Variants in ABHD17C observed in about 807,000 individuals in gnomAD.
ABHD17C encodes abhydrolase domain containing 17C, depalmitoylase.
ABHD17C carries 11 observed loss-of-function variants against 27.9 expected under a neutral mutation model. That is an observed-to-expected ratio of 0.39 (90% CI 0.25 to 0.65). The LOEUF is 0.65. Among genes scored for constraint, ABHD17C ranks in the 30% least tolerant of loss-of-function variants. The pLI, the probability that ABHD17C is intolerant of heterozygous loss-of-function variation, is 0.45. For synonymous variants in ABHD17C, 233 were observed against 209.1 expected, an observed-to-expected ratio of 1.11 and a Z score of -0.98; for missense variants, 280 against 470.2, an observed-to-expected ratio of 0.60 and a Z score of 3.74.
chr15:80,730,226 T>C (rs1028785810), intron 1 of ABHD17C, among the ~76,000 whole-genome samples: 1 of 152,098 alleles, frequency 6.6e-6, no homozygotes, highest in Admixed American at 6.5e-5. Context: ...TCAGAACAAC[T>C]CCACCTTGAA....
At chr15:80,753,690 A>G (rs73500883) in intron 2 of ABHD17C, among the ~76,000 whole-genome samples, 4,602 of 152,248 alleles carry the variant, frequency 0.03, 247 homozygotes, top group African/African-American at 0.11. Flanking sequence ...ACAGGCATGC[A>G]CCACCATGCC....
chr15:80,714,215 CA>C (rs1157374959), intron 1 of ABHD17C, among the ~76,000 whole-genome samples: 1 of 152,204 alleles, frequency 6.6e-6, no homozygotes, highest in Non-Finnish European at 1.5e-5. Flanking sequence ...CTTGGCCTCC[CA>C]AAGTGCTAGG....
chr15:80,725,479 T>TA (rs1894959581), intron 1 of ABHD17C, among the ~76,000 whole-genome samples: 2 of 128,652 alleles, frequency 1.6e-5, no homozygotes, highest in South Asian at 4.7e-4. Context: ...CACCTCTCAA[T>TA]ACCTGGTGTC....
Position 80,696,742 on chromosome 15 carries a change from G to A in ABHD17C, c.590+723G>A, listed in dbSNP as rs1177605977. On this transcript the variant is annotated intron_variant, in intron 1 of 2. Transcript: ENST00000258884. ...CACAGAAGGACTGAAAAGTGTTTAG[G>A]GTGGGCCATCTGTGAGCCAGGCACA... is the stretch of plus-strand genomic sequence containing the variant. Among the ~76,000 whole-genome samples the A allele has an allele frequency of 2.0e-5, 3 of 152,326 alleles. No individual in the cohort carries two copies. The East Asian group carries it at 5.8e-4, about 29-fold the overall frequency.
At chr15:80,720,565 T>A (rs1422317664) in intron 1 of ABHD17C, among the ~76,000 whole-genome samples, 1 of 152,120 alleles carries the variant, frequency 6.6e-6, no homozygotes, top group Admixed American at 6.5e-5. Flanking sequence ...TAGGATTTTT[T>A]TATATATATT....
At chr15:80,726,953 TTGTC>T (rs377027202) in intron 1 of ABHD17C, among the ~76,000 whole-genome samples, 289 of 152,358 alleles carry the variant, frequency 1.9e-3, no homozygotes, top group African/African-American at 6.7e-3. Flanking sequence ...TTTCCTCTGA[TTGTC>T]TGTTCCTTCT....
chr15:80,696,430 A>C (rs74911946), intron 1 of ABHD17C, among the ~76,000 whole-genome samples: 2,894 of 152,324 alleles, frequency 0.019, 105 homozygotes, highest in East Asian at 0.1. Context: ...ATGGGTTTCT[A>C]GACTCAGTTT....
At chr15:80,751,285 A>G (rs1450382352) in intron 2 of ABHD17C, among the ~76,000 whole-genome samples, 3 of 152,030 alleles carry the variant, frequency 2.0e-5, no homozygotes, top group Non-Finnish European at 4.4e-5. Flanking sequence ...GCTTGAACCC[A>G]GGAGGCGGAG....
At chr15:80,706,965 C>T (rs1894656816) in intron 1 of ABHD17C, among the ~76,000 whole-genome samples, 1 of 152,174 alleles carries the variant, frequency 6.6e-6, no homozygotes, top group African/African-American at 2.4e-5. Context: ...ATGCTAATCA[C>T]TTTGAAGCAT....
chr15:80,744,100 C>G (rs1431854540), intron 1 of ABHD17C, among the ~76,000 whole-genome samples: 1 of 151,898 alleles, frequency 6.6e-6, no homozygotes, highest in African/African-American at 2.4e-5. Flanking sequence ...TTCATTGTCT[C>G]TTTTTTCCCC....
At chr15:80,722,103 C>A (rs1894904863) in intron 1 of ABHD17C, among the ~76,000 whole-genome samples, 1 of 152,110 alleles carries the variant, frequency 6.6e-6, no homozygotes, top group African/African-American at 2.4e-5. Context: ...GGACAGAGTT[C>A]TCCACTCGAT....
chr15:80,753,832 T>C (rs1402696892), intron 2 of ABHD17C, among the ~76,000 whole-genome samples: 1 of 152,218 alleles, frequency 6.6e-6, no homozygotes, highest in African/African-American at 2.4e-5. Flanking sequence ...AAAGCCAAAC[T>C]GTTATGATAT....
intron 1 of ABHD17C, among the ~76,000 whole-genome samples, chr15:80,705,362 T>TGTGTGTGTGTGTGTGTGG (rs776574776): frequency 1.7e-3 from 251 of 150,726 alleles, no homozygotes; most frequent in Admixed American, 2.1e-3. Context: ...TGTGTGTGTG[T>TGTGTGTGTGTGTGTGTGG]GTGTGGTTAG....
intron 2 of ABHD17C, among the ~76,000 whole-genome samples, chr15:80,750,752 A>G (rs1034874104): frequency 6.6e-6 from 1 of 152,112 alleles, no homozygotes; most frequent in Admixed American, 6.6e-5. Flanking sequence ...AAGTAGGGCT[A>G]ATGTGCCTCT....
At chr15:80,704,033 C>G (rs1894609594) in intron 1 of ABHD17C, among the ~76,000 whole-genome samples, 1 of 152,188 alleles carries the variant, frequency 6.6e-6, no homozygotes, top group Admixed American at 6.5e-5. Context: ...TTCTCTCTCA[C>G]AGAGTATCTT....
chr15:80,722,096 C>T (rs924707928), intron 1 of ABHD17C, among the ~76,000 whole-genome samples: 1 of 152,098 alleles, frequency 6.6e-6, no homozygotes, highest in African/African-American at 2.4e-5. Flanking sequence ...ATGTCCTGGA[C>T]AGAGTTCTCC....
chr15:80,743,171 G>A (rs1895232894), intron 1 of ABHD17C, among the ~76,000 whole-genome samples: 1 of 152,140 alleles, frequency 6.6e-6, no homozygotes, highest in African/African-American at 2.4e-5. Flanking sequence ...TTCAAGTTCT[G>A]GGAGGGGTAA....
intron 1 of ABHD17C, among the ~76,000 whole-genome samples, chr15:80,734,613 A>C (rs1337915885): frequency 6.6e-6 from 1 of 152,236 alleles, no homozygotes; most frequent in Non-Finnish European, 1.5e-5. Flanking sequence ...AAAAAATTAA[A>C]ATGAAGTCAT....
At chr15:80,700,255 C>T (rs1005774556) in intron 1 of ABHD17C, among the ~76,000 whole-genome samples, 1 of 152,130 alleles carries the variant, frequency 6.6e-6, no homozygotes, top group African/African-American at 2.4e-5. Flanking sequence ...ACTATAAACC[C>T]AAACAAGCAA....
Sources: allele counts gnomAD v4.1 joint callset (sites outside exome capture counted in the v4.1 genomes callset), GRCh38; gene constraint gnomAD v4.1.1; transcripts MANE v1.5; gene names NCBI Gene and HGNC (gene_info 2026-07-23, HGNC 2026-07-21).